The following FNDC3A variants were observed in gnomAD, a reference collection of about 807,000 sequenced individuals.
The protein encoded by FNDC3A is fibronectin type III domain containing 3A.
In FNDC3A, 32 loss-of-function variants were observed where a neutral mutation model predicts 148.9. That is an observed-to-expected ratio of 0.21 (90% CI 0.16 to 0.29). FNDC3A has a LOEUF of 0.29. Among genes scored for constraint, FNDC3A ranks in the 10% least tolerant of loss-of-function variants. The pLI, the probability that FNDC3A is intolerant of heterozygous loss-of-function variation, is 1.00. For missense variants in FNDC3A, 1,191 were observed against 1,452.8 expected (o/e 0.82, Z 2.93); for synonymous variants, 472 against 473.6 (o/e 1.00, Z 0.04).
At chr13:49,175,788 G>A (rs1884998760) in intron 13 of FNDC3A, among the ~76,000 whole-genome samples, 1 of 152,176 alleles carries the variant, frequency 6.6e-6, no homozygotes, top group Non-Finnish European at 1.5e-5. Flanking sequence ...AGTTTTCAAA[G>A]AGAATGCTTC....
At chr13:49,102,987 G>A (rs1879958087) in intron 3 of FNDC3A, among the ~76,000 whole-genome samples, 1 of 152,176 alleles carries the variant, frequency 6.6e-6, no homozygotes, top group African/African-American at 2.4e-5. Flanking sequence ...AGGTAGGCTT[G>A]TCAATACAAG....
intron 2 of FNDC3A, among the ~76,000 whole-genome samples, chr13:49,072,991 A>G (rs1877805103): frequency 1.3e-5 from 2 of 152,130 alleles, no homozygotes; most frequent in Non-Finnish European, 2.9e-5. Context: ...TGGATGTACT[A>G]AGCCTTTGAA....
At chr13:49,090,283 A>G (rs1879098852) in intron 3 of FNDC3A, among the ~76,000 whole-genome samples, 1 of 152,162 alleles carries the variant, frequency 6.6e-6, no homozygotes, top group South Asian at 2.1e-4. Context: ...TTAGCTGGGC[A>G]TGGTGGCATG....
chr13:49,144,524 A>G (rs985583860), intron 7 of FNDC3A, among the ~76,000 whole-genome samples: 4 of 152,214 alleles, frequency 2.6e-5, no homozygotes, highest in African/African-American at 7.2e-5. Flanking sequence ...GGTAGTTGTT[A>G]AACATATATA....
intron 1 of FNDC3A, among the ~76,000 whole-genome samples, chr13:48,979,429 A>G (rs1951660316): frequency 6.6e-6 from 1 of 152,184 alleles, no homozygotes; most frequent in Non-Finnish European, 1.5e-5. Context: ...AATGATTTAG[A>G]TAACAAAAGG....
At chr13:49,054,134 G>T (rs1441967180) in intron 2 of FNDC3A, among the ~76,000 whole-genome samples, 2 of 152,138 alleles carry the variant, frequency 1.3e-5, no homozygotes, top group Non-Finnish European at 2.9e-5. Context: ...TCGCATCATG[G>T]TCTGAACTAG....
chr13:49,158,376 G>T (rs183868931), intron 8 of FNDC3A, among the ~76,000 whole-genome samples: 2 of 152,204 alleles, frequency 1.3e-5, no homozygotes, highest in Non-Finnish European at 1.5e-5. Flanking sequence ...GCCCTGCTTC[G>T]GCTCGCCCAC....
Position 49,191,172 on chromosome 13 carries a change from C to A in FNDC3A, c.2051-37C>A, listed in dbSNP as rs200334250. The A allele has an allele frequency of 2.5e-6, 4 of 1,603,254 alleles. No individual in the cohort carries two copies. In the Admixed American group the frequency reaches 5.1e-5, roughly 21 times the overall value. On this transcript the variant is annotated intron_variant, in intron 18 of 25. Coordinates refer to ENST00000492622, the MANE Select transcript of FNDC3A (RefSeq NM_001079673.2). ...TAATTAAGCTAGAACAGGAAGTATT[C>A]GTCTTGTTAAATTGCATTAATCTTT...
intron 2 of FNDC3A, among the ~76,000 whole-genome samples, chr13:49,072,894 C>G (rs995877606): frequency 6.6e-6 from 1 of 152,140 alleles, no homozygotes; most frequent in Non-Finnish European, 1.5e-5. Context: ...AGTATAAGAT[C>G]ATGTTGTCTG....
rs1355957092 is a variant in FNDC3A, at chr13:49,207,230, C to T, written c.3432C>T (p.Ile1144=). The part of the protein sequence containing the change: ...VGPYSTTVLF[I]SQRTEPPAST... ...CCTACAGCACCACAGTGCTCTTCATCTCTCAGAGGACTGAACCACCAGCCA... is the reference window on the plus strand; with the variant it reads ...CCTACAGCACCACAGTGCTCTTCATTTCTCAGAGGACTGAACCACCAGCCA... The change falls in exon 26 of 26, where the codon ATC becomes ATT. Residue 1144 remains isoleucine (I), a synonymous_variant. Transcript: ENST00000492622. 1.9e-6 allele frequency: 3 copies of T among 1,614,190 alleles called. No homozygotes were observed. Among genetic ancestry groups the T allele is most frequent in the Non-Finnish European group, 1.7e-6 (2 of 1,180,014 alleles).
At chr13:48,981,463 A>G (rs1478464047) in intron 1 of FNDC3A, among the ~76,000 whole-genome samples, 1 of 151,868 alleles carries the variant, frequency 6.6e-6, no homozygotes, top group Non-Finnish European at 1.5e-5. Context: ...ATGCTACTAT[A>G]TTGGAAGCAA....
At chr13:49,207,010 A>C (rs1400686248) in intron 25 of FNDC3A, 71 bp from the exon 26 acceptor site, 6 of 1,092,410 alleles carry the variant, frequency 5.5e-6, no homozygotes, top group African/African-American at 3.1e-5. Context: ...CAATTCTAAC[A>C]CTAGCCAGTT....
intron 2 of FNDC3A, among the ~76,000 whole-genome samples, chr13:49,035,179 GT>G (rs1468234866): frequency 1.3e-5 from 2 of 152,026 alleles, no homozygotes; most frequent in Admixed American, 1.3e-4. Flanking sequence ...ACCCACACAT[GT>G]GTATAAGTTC....
intron 7 of FNDC3A, among the ~76,000 whole-genome samples, chr13:49,142,912 G>A (rs1409112853): frequency 1.3e-5 from 2 of 152,262 alleles, no homozygotes; most frequent in South Asian, 2.1e-4. Flanking sequence ...CAGGCTGGAG[G>A]GCTGGAGTGC....
At chr13:49,004,792 A>G (rs965371330) in intron 1 of FNDC3A, among the ~76,000 whole-genome samples, 11 of 151,944 alleles carry the variant, frequency 7.2e-5, no homozygotes, top group Admixed American at 5.9e-4. Context: ...TGAGTTACCT[A>G]CAAAATCTTG....
intron 2 of FNDC3A, among the ~76,000 whole-genome samples, chr13:49,038,267 C>G (rs1874652752): frequency 6.6e-6 from 1 of 152,136 alleles, no homozygotes; most frequent in Non-Finnish European, 1.5e-5. Flanking sequence ...ACAGGAATGC[C>G]TGTTCTCACT....
At chr13:49,174,645 T>A (rs1400257073) in intron 12 of FNDC3A, 86 bp downstream of exon 12, 2 of 1,221,760 alleles carry the variant, frequency 1.6e-6, no homozygotes, top group East Asian at 5.0e-5. Context: ...TCCAAATTAT[T>A]CATTAAAAAT....
At chr13:49,108,938 C>G (rs1371153698) in intron 3 of FNDC3A, among the ~76,000 whole-genome samples, 1 of 152,146 alleles carries the variant, frequency 6.6e-6, no homozygotes, top group Non-Finnish European at 1.5e-5. Flanking sequence ...TTATTGAGAC[C>G]TATTTCTCTA....
intron 2 of FNDC3A, among the ~76,000 whole-genome samples, chr13:49,038,462 A>C (rs1044732544): frequency 3.3e-5 from 5 of 152,128 alleles, no homozygotes; most frequent in African/African-American, 1.2e-4. Flanking sequence ...TACAGAGGGA[A>C]GACACGGGGA....
Sources: allele counts gnomAD v4.1 joint callset (sites outside exome capture counted in the v4.1 genomes callset), GRCh38; gene constraint gnomAD v4.1.1; transcripts MANE v1.5; gene names NCBI Gene and HGNC (gene_info 2026-07-23, HGNC 2026-07-21).